MICU3: variants seen among roughly 807,000 people sequenced by gnomAD.
MICU3 encodes the protein mitochondrial calcium uptake 3.
In MICU3, 62 loss-of-function variants were observed where a neutral mutation model predicts 66.5. That is an observed-to-expected ratio of 0.93 (90% confidence interval 0.76 to 1.15). The LOEUF is 1.15. MICU3 is among the 50% of genes most tolerant of loss of function. The pLI is 0.00. For missense variants in MICU3, 779 were observed against 664.4 expected (o/e 1.17, Z -1.90); for synonymous variants, 308 against 240.7 (o/e 1.28, Z -2.59).
At chr8:17,070,823 A>G (rs541237710) in intron 3 of MICU3, among the ~76,000 whole-genome samples, 10 of 152,168 alleles carry the variant, frequency 6.6e-5, no homozygotes, top group Admixed American at 3.9e-4. Flanking sequence ...ACCCCTGGTA[A>G]TGAATGCTGA....
At position 17,116,424 on chromosome 8, in the gene MICU3, C is replaced by T; in HGVS notation, c.1367-19C>T. On this transcript the variant is annotated intron_variant, in intron 12 of 14. Transcript: ENST00000318063. ...AAAATAATAACAGTCTATTCTTTTT[C>T]TATGTAACATTTATCTAGATGAATT... 1 of 1,390,318 alleles carries T rather than the reference C, an allele frequency of 7.2e-7. No homozygotes were observed. The highest frequency in any genetic ancestry group is 9.4e-7 in the Non-Finnish European group (1 of 1,060,218). The allele number at this position is 1,390,318 out of a possible 1,614,324, so 86.1% of individuals were successfully genotyped here.
At chr8:17,057,370 C>G (rs899277445) in intron 1 of MICU3, among the ~76,000 whole-genome samples, 2 of 152,054 alleles carry the variant, frequency 1.3e-5, no homozygotes, top group Non-Finnish European at 2.9e-5. Context: ...ACATAACAGG[C>G]GACACCCTGA....
rs201558755 is a variant in MICU3 at position 17,074,138 on chromosome 8, G to A, written c.568-3645G>A. Among the ~76,000 whole-genome samples, 805 of 151,268 alleles carry A rather than the reference G, an allele frequency of 5.3e-3. 7 individuals carry two copies. Among genetic ancestry groups the A allele is most frequent in the Non-Finnish European group, 8.3e-3 (566 of 67,830 alleles). On this transcript the variant is annotated intron_variant, in intron 3 of 14. Coordinates refer to ENST00000318063, the MANE Select transcript of MICU3 (RefSeq NM_181723.3). The stretch of plus-strand genomic sequence containing the variant: ...CCTGACCTCGTGATCCGCCCGCCTC[G>A]GCCTCCCAAAGTGCTGGGATTACAG...
intron 1 of MICU3, among the ~76,000 whole-genome samples, chr8:17,032,595 C>G (rs753827091): frequency 2.0e-5 from 3 of 152,068 alleles, no homozygotes; most frequent in Non-Finnish European, 4.4e-5. Context: ...TATTAAGTTT[C>G]CTTTACCATA....
At position 17,102,456 on chromosome 8, in the gene MICU3, C is replaced by T. The variant is rs183620873; in HGVS notation, c.985-1935C>T. The T allele has an allele frequency of 5.3e-4, 80 of 151,932 alleles. 2 individuals are homozygous for T. The highest frequency in any genetic ancestry group is 4.7e-3 in the Admixed American group (72 of 15,232). 9.4% of individuals were successfully genotyped at this position (151,932 alleles called of 1,614,324 possible). A position where few individuals can be genotyped will look rare whatever the true frequency, so the allele number is the denominator to read the frequency against. On this transcript the variant is annotated intron_variant, in intron 9 of 14. Coordinates refer to ENST00000318063, the MANE Select transcript of MICU3 (RefSeq NM_181723.3). ...TGTTTGCTTATATTTTAACTTTATCCTCAAAATTGTTGTTATGGTTAGGAT... is the reference window on the plus strand; with the variant it reads ...TGTTTGCTTATATTTTAACTTTATCTTCAAAATTGTTGTTATGGTTAGGAT...
chr8:17,049,961 G>C (rs1815782875), intron 1 of MICU3, among the ~76,000 whole-genome samples: 1 of 151,572 alleles, frequency 6.6e-6, no homozygotes, highest in Admixed American at 6.6e-5. Context: ...CTGTTTCTAT[G>C]GTAGCACCTC....
chr8:17,049,191 C>G (rs1361146221), intron 1 of MICU3, among the ~76,000 whole-genome samples: 1 of 152,132 alleles, frequency 6.6e-6, no homozygotes, highest in Non-Finnish European at 1.5e-5. Context: ...GCCTAGTGTT[C>G]CATTGTATCC....
intron 3 of MICU3, among the ~76,000 whole-genome samples, chr8:17,075,739 C>T (rs1585359182): frequency 1.3e-5 from 2 of 152,222 alleles, no homozygotes; most frequent in African/African-American, 4.8e-5. Flanking sequence ...GTTCTGTGAC[C>T]TTGGGTGTTA....
intron 9 of MICU3, among the ~76,000 whole-genome samples, chr8:17,100,289 A>C (rs1320000442): frequency 6.6e-6 from 1 of 151,758 alleles, no homozygotes. Flanking sequence ...CAAAGCTGCT[A>C]AATTAATGAA....
intron 2 of MICU3, among the ~76,000 whole-genome samples, chr8:17,069,059 C>G (rs376948229): frequency 1.3e-5 from 2 of 152,170 alleles, no homozygotes; most frequent in South Asian, 4.1e-4. Context: ...GAGGAGGAAT[C>G]ACAAAAAGAA....
At chr8:17,089,312 A>G (rs1799799811) in intron 7 of MICU3, among the ~76,000 whole-genome samples, 2 of 152,044 alleles carry the variant, frequency 1.3e-5, no homozygotes, top group African/African-American at 2.4e-5. Flanking sequence ...AGCAATAATG[A>G]TAATTAGTGT....
At chr8:17,090,633 T>TA (rs747686858) in intron 8 of MICU3, 49 bp downstream of exon 8, 3 of 1,364,338 alleles carry the variant, frequency 2.2e-6, no homozygotes, top group Non-Finnish European at 2.0e-6. Flanking sequence ...CCTCACCTGT[T>TA]ATACTTGATA....
chr8:17,112,184 A>G (rs1216896656), intron 11 of MICU3, among the ~76,000 whole-genome samples: 6 of 152,212 alleles, frequency 3.9e-5, no homozygotes, highest in Non-Finnish European at 8.8e-5. Context: ...ACACAGAGCC[A>G]AACCATATCA....
At chr8:17,131,778 G>C in the MICU3 span, 1 of 152,272 alleles carries the variant, frequency 6.6e-6, no homozygotes, top group Non-Finnish European at 1.5e-5. Flanking sequence ...TCCTCCTCCA[G>C]CGTCCTCCAG....
At chr8:17,066,517 C>CTATATATA (rs71212675) in intron 2 of MICU3, among the ~76,000 whole-genome samples, 75 of 105,008 alleles carry the variant, frequency 7.1e-4, no homozygotes, top group East Asian at 9.7e-4. Flanking sequence ...TGTTAATAAT[C>CTATATATA]TATATATATA....
At chr8:17,066,975 G>A (rs1218967309) in intron 2 of MICU3, among the ~76,000 whole-genome samples, 1 of 152,040 alleles carries the variant, frequency 6.6e-6, no homozygotes, top group Non-Finnish European at 1.5e-5. Flanking sequence ...TCTTCTCATA[G>A]ATATTTTAAA....
At chr8:17,033,442 A>AT (rs878970709) in intron 1 of MICU3, among the ~76,000 whole-genome samples, 78 of 147,900 alleles carry the variant, frequency 5.3e-4, no homozygotes, top group Middle Eastern at 7.0e-3. Flanking sequence ...ATTATCATCA[A>AT]TTTTTTTTTT....
downstream of MICU3, among the ~76,000 whole-genome samples, chr8:17,126,754 G>A (rs935057635): frequency 6.6e-6 from 1 of 152,114 alleles, no homozygotes; most frequent in African/African-American, 2.4e-5. Context: ...GGGAAGAGAT[G>A]GTTTGAAGAA....
chr8:17,104,757 A>T lies in MICU3; in HGVS notation c.1085+266A>T, dbSNP rs1801593262. ...ACGCCTGTAATCCCAGCACTTTGGG[A>T]GGCCGAGGCGGGCGGATCACGAGGT... On this transcript the variant is annotated intron_variant, in intron 10 of 14. Coordinates refer to ENST00000318063, the MANE Select transcript of MICU3 (RefSeq NM_181723.3). Among the ~76,000 whole-genome samples, 2 of 35,520 alleles carry T rather than the reference A, an allele frequency of 5.6e-5. 1 individual carries two copies. Among genetic ancestry groups the T allele is most frequent in the Admixed American group, 4.8e-4 (2 of 4,144 alleles). 23.3% of individuals were successfully genotyped at this position (35,520 alleles called of 152,430 possible).
Sources: allele counts gnomAD v4.1 joint callset (sites outside exome capture counted in the v4.1 genomes callset), GRCh38; gene constraint gnomAD v4.1.1; transcripts MANE v1.5; gene names NCBI Gene and HGNC (gene_info 2026-07-23, HGNC 2026-07-21).